ROCK1: variants seen among roughly 807,000 people sequenced by gnomAD.
ROCK1 encodes Rho associated coiled-coil containing protein kinase 1, also known as rho-associated protein kinase 1.
Under a neutral mutation model 196.8 loss-of-function variants are expected in ROCK1, and 36 were observed. That is an observed-to-expected ratio of 0.18 (90% CI 0.14 to 0.24). ROCK1 has a LOEUF of 0.24. ROCK1 is among the 10% of genes least tolerant of loss of function. ROCK1 has a pLI of 1.00. For missense variants in ROCK1, 920 were observed against 1,562.0 expected, an observed-to-expected ratio of 0.59 and a Z score of 6.93; for synonymous variants, 443 against 515.9, an observed-to-expected ratio of 0.86 and a Z score of 1.91.
rs188958747 is a variant in ROCK1, at chr18:21,000,059, A to G, written c.1885+6292T>C. ...AATCCTCAAATTCACATAGAATTGCAAAGAACCCTGAATACGTAAAACATA... is the reference window on the plus strand; with the variant it reads ...AATCCTCAAATTCACATAGAATTGCGAAGAACCCTGAATACGTAAAACATA... On this transcript the variant is annotated intron_variant, in intron 16 of 32. Coordinates refer to ENST00000399799, the MANE Select transcript of ROCK1 (RefSeq NM_005406.3). Among the ~76,000 whole-genome samples the G allele has an allele frequency of 8.5e-5, 13 of 152,354 alleles. No homozygotes were observed. In the East Asian group the frequency reaches 2.5e-3, roughly 29 times the overall value.
intron 9 of ROCK1, among the ~76,000 whole-genome samples, chr18:21,032,783 A>G (rs2036020934): frequency 6.6e-6 from 1 of 151,628 alleles, no homozygotes; most frequent in South Asian, 2.1e-4. Context: ...TGGCCTCCCA[A>G]AGTGTTGGGA....
chr18:21,102,319 C>T (rs2036665967), intron 1 of ROCK1, among the ~76,000 whole-genome samples: 1 of 152,136 alleles, frequency 6.6e-6, no homozygotes, highest in South Asian at 2.1e-4. Context: ...GTAAACCAAA[C>T]CTTAAAGGAA....
intron 1 of ROCK1, among the ~76,000 whole-genome samples, chr18:21,082,664 T>G (rs556935091): frequency 6.6e-6 from 1 of 152,260 alleles, no homozygotes; most frequent in East Asian, 1.9e-4. Flanking sequence ...AAACAGGGAA[T>G]GGAAAGAAAC....
chr18:21,014,570 A>AT (rs1201444074), intron 13 of ROCK1, among the ~76,000 whole-genome samples: 2 of 152,262 alleles, frequency 1.3e-5, no homozygotes, highest in African/African-American at 2.4e-5. Flanking sequence ...TTTAAAAGTT[A>AT]AATATAAGTG....
intron 2 of ROCK1, among the ~76,000 whole-genome samples, chr18:21,058,499 G>A (rs1462723271): frequency 6.6e-6 from 1 of 152,106 alleles, no homozygotes; most frequent in East Asian, 1.9e-4. Flanking sequence ...AGTATACATT[G>A]CATACTTTTA....
intron 21 of ROCK1, among the ~76,000 whole-genome samples, chr18:20,980,889 C>A (rs2035525951): frequency 7.0e-6 from 1 of 143,278 alleles, no homozygotes; most frequent in Non-Finnish European, 1.5e-5. Context: ...ACTCTCCAGC[C>A]TGGGCGACAG....
intron 1 of ROCK1, among the ~76,000 whole-genome samples, chr18:21,107,777 G>C (rs1490461137): frequency 1.3e-5 from 2 of 152,238 alleles, no homozygotes; most frequent in Non-Finnish European, 2.9e-5. Context: ...TCTTGGGCCA[G>C]GCACGGTGGC....
intron 12 of ROCK1, among the ~76,000 whole-genome samples, chr18:21,019,674 T>C (rs1032036521): frequency 5.9e-5 from 9 of 151,328 alleles, no homozygotes; most frequent in African/African-American, 1.9e-4. Flanking sequence ...GGCGGGCGCC[T>C]GTAGGCCCAG....
chr18:21,110,362 T>C (rs1568413042), intron 1 of ROCK1, among the ~76,000 whole-genome samples: 1 of 152,184 alleles, frequency 6.6e-6, no homozygotes, highest in Non-Finnish European at 1.5e-5. Context: ...AATTCTCCGT[T>C]ATCATTTTCA....
chr18:21,070,171 C>G (rs963465097), intron 2 of ROCK1, among the ~76,000 whole-genome samples: 1 of 151,862 alleles, frequency 6.6e-6, no homozygotes, highest in Non-Finnish European at 1.5e-5. Context: ...ATGATAAAAT[C>G]CAATCTAAAA....
At chr18:21,087,540 C>A (rs1417093683) in intron 1 of ROCK1, among the ~76,000 whole-genome samples, 1 of 152,082 alleles carries the variant, frequency 6.6e-6, no homozygotes, top group East Asian at 1.9e-4. Context: ...TAGTGTCAGA[C>A]AAGGCAGACT....
At chr18:21,035,711 TA>T (rs1448360343) in intron 9 of ROCK1, among the ~76,000 whole-genome samples, 6 of 152,194 alleles carry the variant, frequency 3.9e-5, no homozygotes. Context: ...TATTAACGGA[TA>T]AATGGATAAA....
rs184372196 is a variant in ROCK1, at chr18:21,057,596, C to A, written c.176-7716G>T. ...CAGCACTTCAGGAGGCCAAGGCAGG[C>A]GGATTGCTTGAGGTCAGGAGTTCAA... On this transcript the variant is annotated intron_variant, in intron 2 of 32. Transcript: ENST00000399799. Among the ~76,000 whole-genome samples the A allele has an allele frequency of 3.3e-5, 5 of 152,212 alleles. 1 individual carries two copies. The highest frequency in any genetic ancestry group is 3.3e-4 in the Admixed American group (5 of 15,290).
chr18:20,968,608 G>A (rs186731623), intron 25 of ROCK1, 164 bp downstream of exon 25: 92 of 570,962 alleles, frequency 1.6e-4, no homozygotes, highest in African/African-American at 1.5e-3. Context: ...GCCTGGCCTT[G>A]AAATTCTATT....
In ROCK1 at chr18:20,987,046, C is replaced by A; in HGVS notation, c.2208G>T (p.Gln736His). 3.1e-6 allele frequency: 5 copies of A among 1,613,120 alleles called. No individual in the cohort carries two copies. Among genetic ancestry groups the A allele is most frequent in the Non-Finnish European group, 4.2e-6 (5 of 1,179,766 alleles). The stretch of plus-strand genomic sequence containing the variant: ...CTAGCATGGAACACTGTTTCTCAAT[C>A]TGAACAACCCGATTTTCAGCCTTCT... ...AREKAENRVV[Q>H]IEKQCSMLDV... The change falls in exon 19 of 33, where the codon CAG (glutamine) becomes CAT (histidine). Residue 736 changes from glutamine (Q) to histidine (H), a missense_variant. Physicochemically the swap from Gln to His is conservative, Grantham distance 24. This residue lies in a region of ROCK1 where 520 missense variants were observed against 657.1 expected (regional missense o/e 0.79). Transcript: ENST00000399799.
chr18:21,034,203 T>C (rs1360901517), intron 9 of ROCK1, among the ~76,000 whole-genome samples: 2 of 152,080 alleles, frequency 1.3e-5, no homozygotes, highest in East Asian at 1.9e-4. Flanking sequence ...AAAGATAACA[T>C]TGTTAAGATG....
intron 12 of ROCK1, among the ~76,000 whole-genome samples, chr18:21,018,708 T>C (rs1196234128): frequency 6.6e-6 from 1 of 152,190 alleles, no homozygotes; most frequent in Admixed American, 6.5e-5. Context: ...TATTATACAC[T>C]TAACCACATA....
intron 1 of ROCK1, among the ~76,000 whole-genome samples, chr18:21,095,389 G>A (rs190342698): frequency 1.1e-4 from 16 of 152,090 alleles, no homozygotes; most frequent in Non-Finnish European, 2.2e-4. Flanking sequence ...TCAGTATAGC[G>A]AAGAGATATC....
At chr18:21,036,006 C>T (rs1481033118) in intron 9 of ROCK1, among the ~76,000 whole-genome samples, 2 of 152,186 alleles carry the variant, frequency 1.3e-5, no homozygotes, top group African/African-American at 4.8e-5. Context: ...TGTGAATGTA[C>T]TTAATGCCAC....
Sources: gnomAD v4.1 joint callset for allele counts (sites outside exome capture counted in the v4.1 genomes callset) on GRCh38, gnomAD v4.1.1 for gene constraint, gnomAD v4.1.1 regional missense constraint, MANE v1.5 for transcripts, NCBI Gene and HGNC (gene_info 2026-07-23, HGNC 2026-07-21) for gene names.